Variants in TAF4B observed in about 807,000 individuals in gnomAD.
The protein encoded by TAF4B is TATA-box binding protein associated factor 4b.
TAF4B carries 38 observed loss-of-function variants against 86.4 expected under a neutral mutation model. The ratio of observed to expected loss-of-function variants is 0.44; its 90% CI spans 0.34 to 0.58. TAF4B has a LOEUF of 0.58. TAF4B is among the 20% of genes least tolerant of loss of function. The pLI is 0.02. For missense variants in TAF4B, 988 were observed against 1,027.6 expected, an observed-to-expected ratio of 0.96 and a Z score of 0.53; for synonymous variants, 388 against 391.2, an observed-to-expected ratio of 0.99 and a Z score of 0.10.
chr18:26,245,010 A>C (rs2055901157), intron 1 of TAF4B, among the ~76,000 whole-genome samples: 1 of 152,078 alleles, frequency 6.6e-6, no homozygotes, highest in Admixed American at 6.6e-5. Context: ...GAAGTATAGG[A>C]AAAGTGGAAG....
chr18:26,265,067 G>A, intron 1 of TAF4B, 103 bp from the exon 2 acceptor site: 1 of 1,184,258 alleles, frequency 8.4e-7, no homozygotes, highest in Non-Finnish European at 1.2e-6. Context: ...ATGTATTGAA[G>A]ACATCTTTTT....
intron 11 of TAF4B, among the ~76,000 whole-genome samples, chr18:26,321,818 T>C (rs1167123662): frequency 1.3e-5 from 2 of 152,138 alleles, no homozygotes; most frequent in African/African-American, 4.8e-5. Context: ...ACATTAGATC[T>C]TTCCACTTGT....
intron 13 of TAF4B, among the ~76,000 whole-genome samples, chr18:26,356,582 A>G (rs1246038323): frequency 1.3e-5 from 2 of 152,158 alleles, no homozygotes; most frequent in African/African-American, 2.4e-5. Flanking sequence ...CAGTACATGT[A>G]TAGGGTTTCT....
chr18:26,293,503 A>G lies in TAF4B; in HGVS notation c.1804A>G (p.Ile602Val). 1.3e-6 allele frequency: 2 copies of G among 1,580,412 alleles called. No homozygotes were observed. Among genetic ancestry groups the G allele is most frequent in the South Asian group, 1.2e-5 (1 of 84,054 alleles). The part of the protein sequence containing the change: ...LQASPTQKNR[I>V]KENVTSCFRD... ...AGCATCTCCTACTCAGAAAAATAGAATAAAAGAGAATGTAACATCATGCTT... is the reference window on the plus strand; with the variant it reads ...AGCATCTCCTACTCAGAAAAATAGAGTAAAAGAGAATGTAACATCATGCTT... The change falls in exon 9 of 15, where the codon ATA (isoleucine) becomes GTA (valine). Residue 602 changes from isoleucine to valine, a missense_variant. Around this residue, in one of 3 missense-constraint regions of TAF4B, gnomAD observed 747 missense variants for 737.9 expected, o/e 1.01. Coordinates refer to ENST00000269142, the MANE Select transcript of TAF4B (RefSeq NM_005640.3).
intron 14 of TAF4B, chr18:26,366,293 A>ATC (rs2057370850): frequency 6.6e-6 from 1 of 152,206 alleles, no homozygotes; most frequent in Non-Finnish European, 1.5e-5. Flanking sequence ...ATTTTATGAA[A>ATC]TATATATAAA....
chr18:26,346,891 A>G (rs1247912477), intron 13 of TAF4B, among the ~76,000 whole-genome samples: 2,245 of 14,530 alleles, frequency 0.15, 920 homozygotes, highest in Non-Finnish European at 0.27. Context: ...ATATATATAT[A>G]TATATATATG....
At chr18:26,328,962 T>C (rs926144437) in intron 12 of TAF4B, among the ~76,000 whole-genome samples, 3 of 151,860 alleles carry the variant, frequency 2.0e-5, no homozygotes, top group Non-Finnish European at 4.4e-5. Flanking sequence ...CAATCATTAA[T>C]CCCCTCCCTG....
chr18:26,226,796 G>T lies in TAF4B; in HGVS notation c.-138G>T. ...GCAGCGGGCGCCCGTCACTGACTTC[G>T]CTGCTGCGGCCCCCGCGCCTCTCCC... On this transcript the variant is annotated 5_prime_UTR_variant, in exon 1 of 15. Coordinates refer to ENST00000269142, the MANE Select transcript of TAF4B (RefSeq NM_005640.3). 1.6e-6 allele frequency: 1 copy of T among 636,998 alleles called. No homozygotes were observed. The highest frequency in any genetic ancestry group is 2.3e-6 in the Non-Finnish European group (1 of 427,084). The allele number at this position is 636,998 out of a possible 1,614,324, so 39.5% of individuals were successfully genotyped here. A position where few individuals can be genotyped will look rare whatever the true frequency, so the allele number is the denominator to read the frequency against.
intron 12 of TAF4B, among the ~76,000 whole-genome samples, chr18:26,329,626 C>T (rs980774235): frequency 3.3e-5 from 5 of 152,218 alleles, no homozygotes; most frequent in African/African-American, 9.6e-5. Context: ...GCCTTACCTT[C>T]TGTAGGATGA....
intron 14 of TAF4B, among the ~76,000 whole-genome samples, chr18:26,375,411 C>T (rs940744071): frequency 6.6e-6 from 1 of 152,080 alleles, no homozygotes; most frequent in Non-Finnish European, 1.5e-5. Context: ...ATTTTCATTT[C>T]TCTTGGGTAT....
chr18:26,229,723 G>C (rs1331374537), intron 1 of TAF4B, among the ~76,000 whole-genome samples: 1 of 151,818 alleles, frequency 6.6e-6, no homozygotes, highest in Non-Finnish European at 1.5e-5. Context: ...GGCTGGTCTC[G>C]AACTCCTGAC....
chr18:26,331,338 C>T (rs1057022833), intron 12 of TAF4B, among the ~76,000 whole-genome samples: 5 of 152,128 alleles, frequency 3.3e-5, no homozygotes, highest in Admixed American at 6.6e-5. Flanking sequence ...TTTGGCTTTT[C>T]CTTCTTTACC....
intron 1 of TAF4B, among the ~76,000 whole-genome samples, chr18:26,254,170 T>TTTC (rs2056047520): frequency 2.6e-5 from 4 of 151,646 alleles, no homozygotes; most frequent in Non-Finnish European, 4.4e-5. Context: ...TCAAATGATC[T>TTTC]ACCTACGTTG....
chr18:26,282,269 A>G (rs1457767688), intron 6 of TAF4B, among the ~76,000 whole-genome samples: 1 of 152,208 alleles, frequency 6.6e-6, no homozygotes, highest in African/African-American at 2.4e-5. Flanking sequence ...CATTTTATTC[A>G]TGAACATAAG....
In TAF4B at chr18:26,369,220, C is replaced by T. The variant is rs373639859; in HGVS notation, c.2421+11426C>T. ...AAACAAGGCATGAAGCAGAAGGAAACTAAAAAAAAGGGAAAAGAAAGGAAA... is the reference window on the plus strand; with the variant it reads ...AAACAAGGCATGAAGCAGAAGGAAATTAAAAAAAAGGGAAAAGAAAGGAAA... On this transcript the variant is annotated intron_variant, in intron 14 of 14. Coordinates refer to ENST00000269142, the MANE Select transcript of TAF4B (RefSeq NM_005640.3). 1.2e-4 allele frequency among the ~76,000 whole-genome samples: 18 copies of T among 150,862 alleles called. 1 individual carries two copies. The East Asian group carries it at 3.3e-3, about 28-fold the overall frequency.
chr18:26,275,214 G>T (rs558695427), intron 5 of TAF4B, among the ~76,000 whole-genome samples, 161 bp downstream of exon 5: 2 of 152,182 alleles, frequency 1.3e-5, no homozygotes, highest in African/African-American at 4.8e-5. Context: ...GGAGTGCAGT[G>T]GCGTGATCTA....
At chr18:26,307,731 A>C (rs1009663995) in intron 9 of TAF4B, among the ~76,000 whole-genome samples, 1 of 152,094 alleles carries the variant, frequency 6.6e-6, no homozygotes, top group Non-Finnish European at 1.5e-5. Context: ...TTTAATGTCC[A>C]TTTTTTCCAT....
chr18:26,315,153 T>TCACACA (rs1568148069), intron 9 of TAF4B, 76 bp from the exon 10 acceptor site: 4 of 467,424 alleles, frequency 8.6e-6, no homozygotes, highest in African/African-American at 6.0e-5. Context: ...TCTGTCTCTC[T>TCACACA]CTCTCTCTCA....
At chr18:26,255,044 C>G (rs944140862) in intron 1 of TAF4B, among the ~76,000 whole-genome samples, 1 of 152,124 alleles carries the variant, frequency 6.6e-6, no homozygotes, top group African/African-American at 2.4e-5. Context: ...TGAGGGAAAA[C>G]AAGAGTAGCC....
Sources: allele counts gnomAD v4.1 joint callset (sites outside exome capture counted in the v4.1 genomes callset), GRCh38; gene constraint gnomAD v4.1.1; regional missense constraint gnomAD v4.1.1; transcripts MANE v1.5; gene names NCBI Gene and HGNC (gene_info 2026-07-23, HGNC 2026-07-21).